The following WNT9B variants were observed in gnomAD, a reference collection of about 807,000 sequenced individuals.
WNT9B encodes the protein protein Wnt-9b.
WNT9B carries 12 observed loss-of-function variants against 30.2 expected under a neutral mutation model. That is an observed-to-expected ratio of 0.40 (90% CI 0.26 to 0.64). WNT9B has a LOEUF of 0.64. WNT9B is among the 30% of genes least tolerant of loss of function. The pLI is 0.42. For missense variants in WNT9B, 442 were observed against 485.2 expected, an observed-to-expected ratio of 0.91 and a Z score of 0.84; for synonymous variants, 218 against 216.9, an observed-to-expected ratio of 1.01 and a Z score of -0.05.
upstream of WNT9B, among the ~76,000 whole-genome samples, chr17:46,851,042 T>C (rs1329026915): frequency 6.6e-6 from 1 of 152,182 alleles, no homozygotes; most frequent in Non-Finnish European, 1.5e-5. This position sits in a 1 kb window ranked among gnomAD's most constrained non-coding sequence, Gnocchi z 4.3. Flanking sequence ...CCCTGAGCCA[T>C]TGGACATGCA....
chr17:46,873,456 G>A (rs1252337779), intron 2 of WNT9B, among the ~76,000 whole-genome samples: 1 of 152,156 alleles, frequency 6.6e-6, no homozygotes. Context: ...CTTGCCAAGG[G>A]GAAAGGGCTT....
At chr17:46,874,485 G>T (rs907512283) in intron 2 of WNT9B, among the ~76,000 whole-genome samples, 2 of 152,214 alleles carry the variant, frequency 1.3e-5, no homozygotes, top group Non-Finnish European at 2.9e-5. Flanking sequence ...TCTCTGAGAG[G>T]TGAAGGCCGT....
chr17:46,846,740 C>T (rs1568116763), upstream of WNT9B, among the ~76,000 whole-genome samples: 1 of 152,170 alleles, frequency 6.6e-6, no homozygotes, highest in Non-Finnish European at 1.5e-5. Flanking sequence ...GAAGGTGGGT[C>T]CCACACCGTC....
rs1401624230 is a variant in WNT9B, at chr17:46,876,943, C to T, written c.*225C>T. The T allele has an allele frequency of 6.1e-6, 8 of 1,320,608 alleles. No homozygotes were observed. Among genetic ancestry groups the T allele is most frequent in the Non-Finnish European group, 7.7e-6 (8 of 1,038,526 alleles). The allele number at this position is 1,320,608 out of a possible 1,614,324, so 81.8% of individuals were successfully genotyped here. On this transcript the variant is annotated 3_prime_UTR_variant, in exon 4 of 4. Transcript: ENST00000290015. The stretch of plus-strand genomic sequence containing the variant: ...GCCTCCTCCCTTAACCCAAGCATCC[C>T]CAACCTTGTTGAGGACTTGGAGAGG...
At chr17:46,874,314 C>A (rs2085306159) in intron 2 of WNT9B, among the ~76,000 whole-genome samples, 4 of 152,176 alleles carry the variant, frequency 2.6e-5, no homozygotes, top group Non-Finnish European at 5.9e-5. Flanking sequence ...CATTTGAGAA[C>A]CATCATGTGT....
intron 1 of WNT9B, among the ~76,000 whole-genome samples, chr17:46,853,774 T>A (rs1009511050): frequency 1.3e-5 from 2 of 152,140 alleles, no homozygotes; most frequent in Non-Finnish European, 2.9e-5. Context: ...TATATCCTCT[T>A]ACACACTGGC....
chr17:46,851,241 C>G (rs372615324), upstream of WNT9B, among the ~76,000 whole-genome samples: 7 of 152,212 alleles, frequency 4.6e-5, no homozygotes, highest in African/African-American at 1.7e-4. The surrounding 1 kb of genome is among the most constrained non-coding windows in gnomAD (Gnocchi z 4.3). Flanking sequence ...TTGCGCTTGC[C>G]TCCGCCCCAT....
chr17:46,839,664 CA>C (rs2084675993), intron 1 of WNT9B, among the ~76,000 whole-genome samples: 1 of 152,156 alleles, frequency 6.6e-6, no homozygotes, highest in African/African-American at 2.4e-5. Flanking sequence ...GCATTTCTCC[CA>C]ATGCTCTCCC....
intron 1 of WNT9B, among the ~76,000 whole-genome samples, chr17:46,866,711 C>T (rs980687086): frequency 6.6e-6 from 1 of 152,082 alleles, no homozygotes; most frequent in Non-Finnish European, 1.5e-5. Flanking sequence ...ATGCACTACT[C>T]CTGGACCCTC....
At chr17:46,847,360 A>C (rs1019840270), upstream of WNT9B, among the ~76,000 whole-genome samples, 1 of 152,236 alleles carries the variant, frequency 6.6e-6, no homozygotes, top group African/African-American at 2.4e-5. Flanking sequence ...TCTGGACTTT[A>C]GTGCCCTCAT....
intron 1 of WNT9B, among the ~76,000 whole-genome samples, chr17:46,860,665 C>T (rs969092606): frequency 6.6e-6 from 1 of 152,164 alleles, no homozygotes; most frequent in African/African-American, 2.4e-5. Flanking sequence ...TGCCTTACAG[C>T]GTCCCACGTT....
chr17:46,867,462 G>T (rs6504591), intron 1 of WNT9B, among the ~76,000 whole-genome samples: 100,332 of 152,132 alleles, frequency 0.66, 35,052 homozygotes, highest in African/African-American at 0.88. Flanking sequence ...AGGTCACCTC[G>T]GAGTGAGTCA....
rs1162472937 is a variant in WNT9B at position 46,878,042 on chromosome 17, G to A, written c.*1324G>A. On this transcript the variant is annotated 3_prime_UTR_variant, in exon 4 of 4. Coordinates refer to ENST00000290015, the MANE Select transcript of WNT9B (RefSeq NM_003396.3). ...CTGGTACCTCCACACAGGCACACATGGATGCACAGCCCCTGGACCAGGCTG... is the reference window on the plus strand; with the variant it reads ...CTGGTACCTCCACACAGGCACACATAGATGCACAGCCCCTGGACCAGGCTG... Among the ~76,000 whole-genome samples the A allele has an allele frequency of 6.6e-6, 1 of 152,228 alleles. No individual in the cohort carries two copies. Among genetic ancestry groups the A allele is most frequent in the Non-Finnish European group, 1.5e-5 (1 of 68,052 alleles).
chr17:46,868,366 C>T (rs1221864722), intron 1 of WNT9B, among the ~76,000 whole-genome samples: 1 of 151,932 alleles, frequency 6.6e-6, no homozygotes, highest in Non-Finnish European at 1.5e-5. Flanking sequence ...CCAAGGTGGG[C>T]GGATCACATG....
exon 5 of WNT9B, chr17:46,885,751 C>G (rs2085481380): frequency 6.6e-6 from 1 of 152,314 alleles, no homozygotes; most frequent in Non-Finnish European, 1.5e-5. Flanking sequence ...TTGGCAGTGT[C>G]TTGCCATAGC....
intron 1 of WNT9B, among the ~76,000 whole-genome samples, chr17:46,837,474 T>C (rs2084647509): frequency 6.6e-6 from 1 of 152,144 alleles, no homozygotes; most frequent in Non-Finnish European, 1.5e-5. Flanking sequence ...CTGTATGACA[T>C]TTGTTTCCCC....
downstream of WNT9B, among the ~76,000 whole-genome samples, chr17:46,882,451 G>A (rs1598874033): frequency 6.6e-6 from 1 of 152,158 alleles, no homozygotes; most frequent in Admixed American, 6.5e-5. Flanking sequence ...GCTGTAAGGA[G>A]CCACAGGATG....
intron 1 of WNT9B, among the ~76,000 whole-genome samples, chr17:46,840,891 A>G (rs781289806): frequency 6.6e-6 from 1 of 152,150 alleles, no homozygotes; most frequent in Non-Finnish European, 1.5e-5. Context: ...TAGATTCTGG[A>G]TATTAGCCCT....
At position 46,878,113 on chromosome 17, in the gene WNT9B, G is replaced by T. The variant is rs2085373712; in HGVS notation, c.*1395G>T. ...CTCTCTTGTTCAGGATGAAGACCTT[G>T]CAGGGGTCCCCTTGCTGGAGGCATT... On this transcript the variant is annotated 3_prime_UTR_variant, in exon 4 of 4. Transcript: ENST00000290015. 6.6e-6 allele frequency among the ~76,000 whole-genome samples: 1 copy of T among 152,242 alleles called. No individual in the cohort carries two copies. The highest frequency in any genetic ancestry group is 2.4e-5 in the African/African-American group (1 of 41,464).
Sources: gnomAD v4.1 joint callset for allele counts (sites outside exome capture counted in the v4.1 genomes callset) on GRCh38, gnomAD v4.1.1 for gene constraint, Gnocchi (gnomAD v3.1) non-coding constraint, MANE v1.5 for transcripts, NCBI Gene and HGNC (gene_info 2026-07-23, HGNC 2026-07-21) for gene names.